Variants in NTN1 observed in about 807,000 individuals in gnomAD.
NTN1 encodes netrin 1.
A neutral mutation model predicts 54.2 loss-of-function variants in NTN1; 11 were observed. The observed-to-expected ratio is 0.20, with a 90% CI of 0.13 to 0.34. The LOEUF is 0.34. Among genes scored for constraint, NTN1 ranks in the 10% least tolerant of loss-of-function variants. The pLI is 1.00. For missense variants in NTN1, 740 were observed against 893.1 expected (o/e 0.83, Z 2.18); for synonymous variants, 371 against 382.0 (o/e 0.97, Z 0.33).
At chr17:9,104,980 T>C (rs951238499) in intron 2 of NTN1, among the ~76,000 whole-genome samples, 1 of 151,970 alleles carries the variant, frequency 6.6e-6, no homozygotes, top group African/African-American at 2.4e-5. Flanking sequence ...TGCCTCTGAG[T>C]GGGGCAGGGG....
At chr17:9,190,281 G>T (rs1047834698) in intron 5 of NTN1, among the ~76,000 whole-genome samples, 1 of 152,174 alleles carries the variant, frequency 6.6e-6, no homozygotes, top group Admixed American at 6.5e-5. Flanking sequence ...GTCTTGCCAC[G>T]TTCTGAGAAG....
At chr17:9,107,073 C>T (rs982780908) in intron 2 of NTN1, among the ~76,000 whole-genome samples, 12 of 152,160 alleles carry the variant, frequency 7.9e-5, no homozygotes, top group African/African-American at 2.7e-4. Context: ...CCCCATGTGA[C>T]CCCAGCAGCA....
At chr17:9,026,131 C>G (rs946172312) in intron 2 of NTN1, among the ~76,000 whole-genome samples, 3 of 152,072 alleles carry the variant, frequency 2.0e-5, no homozygotes, top group Non-Finnish European at 4.4e-5. Context: ...GGTACCCTTC[C>G]CTAGGTTAAC....
At chr17:9,162,537 T>A (rs1001742384) in intron 2 of NTN1, among the ~76,000 whole-genome samples, 13 of 152,232 alleles carry the variant, frequency 8.5e-5, no homozygotes, top group African/African-American at 2.9e-4. Flanking sequence ...TTTAAGACTC[T>A]GTCTCCAAAT....
chr17:9,058,494 T>C (rs1056063383), intron 2 of NTN1, among the ~76,000 whole-genome samples: 2 of 151,458 alleles, frequency 1.3e-5, no homozygotes, highest in African/African-American at 2.4e-5. Flanking sequence ...CATGGCCAAG[T>C]CTTAAGACTT....
chr17:9,095,192 G>A lies in NTN1; in HGVS notation c.1019-67621G>A, dbSNP rs551152645. On this transcript the variant is annotated intron_variant, in intron 2 of 6. Coordinates refer to ENST00000173229, the MANE Select transcript of NTN1 (RefSeq NM_004822.3). ...TGAGCATTCTTTGAATATTGAGGAT[G>A]TAAATTATTTGTTATTTCAATTGCA... Among the ~76,000 whole-genome samples the A allele has an allele frequency of 2.6e-5, 4 of 152,256 alleles. No homozygotes were observed. The South Asian group carries it at 8.3e-4, about 32-fold the overall frequency.
At chr17:9,026,315 G>C (rs564240952) in intron 2 of NTN1, among the ~76,000 whole-genome samples, 2 of 149,742 alleles carry the variant, frequency 1.3e-5, no homozygotes, top group East Asian at 3.9e-4. Context: ...TTGTTTCAAG[G>C]TCAAGCTTTC....
In NTN1 at chr17:9,162,986, C is replaced by T. The variant is rs1283511561; in HGVS notation, c.1192C>T (p.Arg398Trp). The change falls in exon 3 of 7, where the codon CGG becomes TGG. Residue 398 changes from arginine (R) to tryptophan (W), a missense_variant. Physicochemically the swap from Arg to Trp is moderately radical, Grantham distance 101 (BLOSUM62 -3). Transcript: ENST00000173229. ...CGACATGGGCAAGCCCATCACCCAC[C>T]GGAAGGCCTGCAAAGGTGGGCTACA... ...YRDMGKPITHRKACKACDCHP... is the reference protein window; with the variant it reads ...YRDMGKPITHWKACKACDCHP... 1 of 1,610,816 alleles carries T rather than the reference C, an allele frequency of 6.2e-7. No individual in the cohort carries two copies. The highest frequency in any genetic ancestry group is 8.5e-7 in the Non-Finnish European group (1 of 1,178,402).
At chr17:9,210,451 CACACACACA>C (rs1905074492) in intron 5 of NTN1, among the ~76,000 whole-genome samples, 2 of 106,188 alleles carry the variant, frequency 1.9e-5, no homozygotes, top group Admixed American at 2.1e-4. Context: ...CACCCACACA[CACACACACA>C]CACACACTCT....
chr17:9,019,910 T>C (rs1255341204), upstream of NTN1, among the ~76,000 whole-genome samples: 1 of 152,212 alleles, frequency 6.6e-6, no homozygotes, highest in East Asian at 1.9e-4. Context: ...AAGGCATAAA[T>C]AAACAGTGCA....
At chr17:9,064,167 C>T (rs1017883594) in intron 2 of NTN1, among the ~76,000 whole-genome samples, 3 of 152,090 alleles carry the variant, frequency 2.0e-5, no homozygotes, top group Non-Finnish European at 2.9e-5. Flanking sequence ...TGTTTAGGGT[C>T]GTTTGTATGT....
intron 6 of NTN1, among the ~76,000 whole-genome samples, chr17:9,238,467 G>A (rs79428832): frequency 0.021 from 3,238 of 152,228 alleles, 58 homozygotes; most frequent in Non-Finnish European, 0.029. Flanking sequence ...GAACAGAGGT[G>A]AGTACAGCAG....
intron 6 of NTN1, among the ~76,000 whole-genome samples, chr17:9,225,933 G>A (rs1402413625): frequency 6.6e-6 from 1 of 152,220 alleles, no homozygotes; most frequent in Non-Finnish European, 1.5e-5. Flanking sequence ...CCTCCTCCAG[G>A]CCTCGCAGAC....
chr17:9,043,866 C>G, intron 2 of NTN1, among the ~76,000 whole-genome samples: 1 of 152,098 alleles, frequency 6.6e-6, no homozygotes, highest in East Asian at 1.9e-4. Context: ...AGGCGTGAAC[C>G]ACTGCACCTG....
chr17:9,136,439 T>C (rs921565031), intron 2 of NTN1, among the ~76,000 whole-genome samples: 1 of 152,030 alleles, frequency 6.6e-6, no homozygotes, highest in Admixed American at 6.6e-5. Context: ...TAGCCAGGCA[T>C]AGTGGCATGC....
chr17:9,082,768 GGC>G (rs146488185), intron 2 of NTN1, among the ~76,000 whole-genome samples: 228 of 148,680 alleles, frequency 1.5e-3, no homozygotes, highest in African/African-American at 5.2e-3. Flanking sequence ...GATCTTGATT[GGC>G]TAAGATGATG....
intron 6 of NTN1, among the ~76,000 whole-genome samples, chr17:9,222,189 C>T (rs1905382035): frequency 6.6e-6 from 1 of 152,228 alleles, no homozygotes; most frequent in African/African-American, 2.4e-5. Context: ...GGGCTGGCCC[C>T]CCAATTCTGG....
intron 2 of NTN1, among the ~76,000 whole-genome samples, chr17:9,047,756 G>A (rs1026785556): frequency 1.8e-4 from 27 of 151,080 alleles, no homozygotes; most frequent in African/African-American, 3.9e-4. Context: ...GTGCAATGGC[G>A]CGATCTCGGC....
At chr17:9,182,854 A>G in intron 4 of NTN1, 62 bp from the exon 5 acceptor site, 1 of 1,569,320 alleles carries the variant, frequency 6.4e-7, no homozygotes, top group South Asian at 1.1e-5. Context: ...TAAAGTCAAA[A>G]AATCATGTCG....
Sources: allele counts gnomAD v4.1 joint callset (sites outside exome capture counted in the v4.1 genomes callset), GRCh38; gene constraint gnomAD v4.1.1; transcripts MANE v1.5; gene names NCBI Gene and HGNC (gene_info 2026-07-23, HGNC 2026-07-21).